The following DEUP1 variants were observed in gnomAD, a reference collection of about 807,000 sequenced individuals.
DEUP1 encodes coiled-coil domain containing 67.
A neutral mutation model predicts 87.4 loss-of-function variants in DEUP1; 82 were observed. That is an observed-to-expected ratio of 0.94 (90% CI 0.78 to 1.13). The LOEUF (loss-of-function observed/expected upper bound fraction) is 1.13. Ranked by LOEUF, DEUP1 falls within the 50% of genes most tolerant of loss-of-function variation. The pLI, the probability that DEUP1 is intolerant of heterozygous loss-of-function variation, is 0.00. For missense variants in DEUP1, 663 were observed against 681.5 expected, an observed-to-expected ratio of 0.97 and a Z score of 0.30; for synonymous variants, 214 against 222.7, an observed-to-expected ratio of 0.96 and a Z score of 0.35.
chr11:93,363,271 G>A (rs1376220966), intron 4 of DEUP1, among the ~76,000 whole-genome samples: 3 of 151,858 alleles, frequency 2.0e-5, no homozygotes, highest in Non-Finnish European at 3.0e-5. Context: ...GGAGATCTTT[G>A]TGGTGACAGA....
At chr11:93,363,417 T>C (rs1229737832) in intron 4 of DEUP1, among the ~76,000 whole-genome samples, 2 of 151,832 alleles carry the variant, frequency 1.3e-5, no homozygotes, top group Non-Finnish European at 3.0e-5. Context: ...GATGTAAATA[T>C]TGGGGGAAAC....
intron 5 of DEUP1, among the ~76,000 whole-genome samples, chr11:93,369,626 C>T (rs76085566): frequency 0.011 from 1,743 of 151,712 alleles, 25 homozygotes; most frequent in South Asian, 0.076. Context: ...TTTGTTTTCC[C>T]TAATAGGTAA....
intron 2 of DEUP1, among the ~76,000 whole-genome samples, chr11:93,351,016 G>A (rs3019223): frequency 0.83 from 121,961 of 147,746 alleles, 50,447 homozygotes; most frequent in East Asian, 0.89. Flanking sequence ...ATATAAAAAT[G>A]TATTTTAATA....
chr11:93,391,155 G>C (rs1213290677), intron 9 of DEUP1, among the ~76,000 whole-genome samples: 2 of 151,252 alleles, frequency 1.3e-5, no homozygotes, highest in Admixed American at 1.3e-4. Context: ...ACTAACAAGA[G>C]CTATGTATTA....
At chr11:93,371,620 A>C (rs935346344) in intron 7 of DEUP1, among the ~76,000 whole-genome samples, 1 of 152,190 alleles carries the variant, frequency 6.6e-6, no homozygotes, top group African/African-American at 2.4e-5. Context: ...ACTCAGAAGA[A>C]TCCTGGGTTA....
chr11:93,407,231 T>C (rs1027158859), intron 11 of DEUP1, among the ~76,000 whole-genome samples: 2 of 152,082 alleles, frequency 1.3e-5, no homozygotes, highest in Middle Eastern at 3.4e-3. Context: ...AATTCAACAA[T>C]AGAAGAATGG....
intron 13 of DEUP1, among the ~76,000 whole-genome samples, chr11:93,418,751 T>C (rs1947746313): frequency 1.3e-5 from 2 of 151,924 alleles, no homozygotes; most frequent in Non-Finnish European, 1.5e-5. Context: ...ATTGCGGCAC[T>C]ATTCACAATA....
At chr11:93,419,951 C>A (rs1431577173) in intron 13 of DEUP1, among the ~76,000 whole-genome samples, 1 of 151,708 alleles carries the variant, frequency 6.6e-6, no homozygotes, top group East Asian at 1.9e-4. Context: ...AGGTCCAGGA[C>A]CAGATGGATT....
rs373526174 is a variant in DEUP1 at position 93,335,943 on chromosome 11, C to T, written c.29+3655C>T. Among the ~76,000 whole-genome samples the T allele has an allele frequency of 4.3e-4, 66 of 152,120 alleles. No homozygotes were observed. In the East Asian group the frequency reaches 4.8e-3, roughly 11 times the overall value. Reference sequence around the variant, plus strand: ...CAGCCTGACGAACATGGAGAAACCCCGTCTCTACTAAAAATAAAAATTAGC... The same window carrying T: ...CAGCCTGACGAACATGGAGAAACCCTGTCTCTACTAAAAATAAAAATTAGC... On this transcript the variant is annotated intron_variant, in intron 2 of 13. Coordinates refer to ENST00000298050, the MANE Select transcript of DEUP1 (RefSeq NM_181645.4).
intron 9 of DEUP1, among the ~76,000 whole-genome samples, chr11:93,393,656 T>C (rs1591215552): frequency 1.3e-5 from 2 of 152,294 alleles, no homozygotes; most frequent in East Asian, 1.9e-4. Context: ...GTTTCCCCAA[T>C]GGACTATGAT....
At chr11:93,333,257 C>T (rs1412726583) in intron 2 of DEUP1, among the ~76,000 whole-genome samples, 4 of 152,250 alleles carry the variant, frequency 2.6e-5, no homozygotes, top group Admixed American at 6.5e-5. Flanking sequence ...TTCATATAGT[C>T]GTCACAGGTG....
chr11:93,413,328 G>T (rs1286774535), intron 12 of DEUP1, among the ~76,000 whole-genome samples: 1 of 149,122 alleles, frequency 6.7e-6, no homozygotes, highest in Non-Finnish European at 1.5e-5. Context: ...TGCAAGCTCC[G>T]CCTCCCGGGT....
intron 2 of DEUP1, among the ~76,000 whole-genome samples, chr11:93,349,970 T>C: frequency 6.6e-6 from 1 of 152,134 alleles, no homozygotes; most frequent in Admixed American, 6.5e-5. Context: ...GGTGTTGGCA[T>C]GTAGAGGCTG....
At chr11:93,337,259 A>G (rs1943814534) in intron 2 of DEUP1, among the ~76,000 whole-genome samples, 1 of 152,210 alleles carries the variant, frequency 6.6e-6, no homozygotes. Flanking sequence ...TCTGAGATAT[A>G]TTAATCATCT....
intron 10 of DEUP1, 71 bp from the exon 11 acceptor site, chr11:93,396,168 A>G (rs1245952153): frequency 2.1e-6 from 2 of 955,730 alleles, no homozygotes; most frequent in South Asian, 3.1e-5. Flanking sequence ...TGTATTCACA[A>G]GACAAAATTT....
intron 10 of DEUP1, among the ~76,000 whole-genome samples, chr11:93,394,905 C>A (rs1946889864): frequency 6.6e-6 from 1 of 152,076 alleles, no homozygotes; most frequent in East Asian, 1.9e-4. Context: ...TTTCTTGTAA[C>A]CTATATTCTG....
At chr11:93,389,186 A>G (rs1946689245) in intron 9 of DEUP1, 61 bp downstream of exon 9, 1 of 932,598 alleles carries the variant, frequency 1.1e-6, no homozygotes, top group Admixed American at 3.2e-5. Context: ...ATACAAAGGG[A>G]GTTAAAAAAA....
chr11:93,379,664 T>C (rs1432705561), intron 7 of DEUP1, among the ~76,000 whole-genome samples: 1 of 152,104 alleles, frequency 6.6e-6, no homozygotes, highest in East Asian at 1.9e-4. Flanking sequence ...TTTAATTAAC[T>C]TACTCTTCTG....
Position 93,402,639 on chromosome 11 carries a change from TGTG to T in DEUP1, c.1327-5589_1327-5587del, listed in dbSNP as rs1032361515. Among the ~76,000 whole-genome samples the T allele has an allele frequency of 7.9e-5, 12 of 151,938 alleles. No individual in the cohort carries two copies. In the South Asian group the frequency reaches 1.7e-3, roughly 21 times the overall value. The stretch of plus-strand genomic sequence containing the variant: ...ATCAGTGGACGAATGGATTAAGAAA[TGTG>T]GTATATATACACAATGGAATATTAT... On this transcript the variant is annotated intron_variant, in intron 11 of 13. Transcript: ENST00000298050.
Sources: gnomAD v4.1 joint callset for allele counts (sites outside exome capture counted in the v4.1 genomes callset) on GRCh38, gnomAD v4.1.1 for gene constraint, MANE v1.5 for transcripts, NCBI Gene and HGNC (gene_info 2026-07-23, HGNC 2026-07-21) for gene names.